KLHL18: variants seen among roughly 807,000 people sequenced by gnomAD.
KLHL18 encodes the protein kelch like family member 18.
Under a neutral mutation model 58.5 loss-of-function variants are expected in KLHL18, and 38 were observed. The observed-to-expected ratio is 0.65, with a 90% CI of 0.50 to 0.85. The LOEUF is 0.85. Among genes scored for constraint, KLHL18 ranks in the 40% least tolerant of loss-of-function variants. The pLI, the probability that KLHL18 is intolerant of heterozygous loss-of-function variation, is 0.00. For synonymous variants in KLHL18, 303 were observed against 301.9 expected (o/e 1.00, Z -0.04); for missense variants, 624 against 778.4 (o/e 0.80, Z 2.36).
chr3:47,344,521 A>G lies in KLHL18; in HGVS notation c.*580A>G, dbSNP rs1439756880. 1 of 152,582 alleles carries G rather than the reference A, an allele frequency of 6.6e-6. No individual in the cohort carries two copies. 9.5% of individuals were successfully genotyped at this position (152,582 alleles called of 1,614,324 possible). A position where few individuals can be genotyped will look rare whatever the true frequency, so the allele number is the denominator to read the frequency against. On this transcript the variant is annotated 3_prime_UTR_variant, in exon 10 of 10. Transcript: ENST00000232766. ...TCCTCATTGCTGGGTAAGCAGGGAG[A>G]AGAGAAGTTTTCCCCATGTCTAATT...
At chr3:47,297,385 T>C (rs539705463) in intron 1 of KLHL18, among the ~76,000 whole-genome samples, 1 of 152,254 alleles carries the variant, frequency 6.6e-6, no homozygotes, top group South Asian at 2.1e-4. Flanking sequence ...GCATTGAAGG[T>C]GAAAGAATCC....
At chr3:47,310,453 T>TA (rs1703271317) in intron 1 of KLHL18, among the ~76,000 whole-genome samples, 1 of 152,212 alleles carries the variant, frequency 6.6e-6, no homozygotes, top group African/African-American at 2.4e-5. Flanking sequence ...AAGGCTGTCT[T>TA]ATAGCCTCTT....
At chr3:47,292,970 A>G (rs575899258) in intron 1 of KLHL18, among the ~76,000 whole-genome samples, 4 of 152,162 alleles carry the variant, frequency 2.6e-5, no homozygotes, top group African/African-American at 7.2e-5. Context: ...AAAGAAGAAA[A>G]TTCTGCTGCA....
intron 1 of KLHL18, among the ~76,000 whole-genome samples, chr3:47,314,024 A>T (rs1453419875): frequency 6.6e-6 from 1 of 152,176 alleles, no homozygotes; most frequent in Non-Finnish European, 1.5e-5. Context: ...CTCTTTTTTT[A>T]AAAAATGACA....
chr3:47,314,295 C>T (rs1262101484), intron 1 of KLHL18, among the ~76,000 whole-genome samples: 1 of 151,850 alleles, frequency 6.6e-6, no homozygotes, highest in Non-Finnish European at 1.5e-5. Context: ...CCACTGTGCC[C>T]AGCAAAAAAT....
chr3:47,331,203 C>A (rs534844537), intron 4 of KLHL18, among the ~76,000 whole-genome samples: 1 of 152,228 alleles, frequency 6.6e-6, no homozygotes, highest in African/African-American at 2.4e-5. Context: ...TCTCAGCTCA[C>A]TGCACCTCTG....
Position 47,336,659 on chromosome 3 carries a change from C to T in KLHL18, c.1023C>T (p.Ile341=), listed in dbSNP as rs758178487. Residue 341 remains isoleucine (I), a synonymous_variant, in exon 7 of 10, where the codon ATC becomes ATT. Transcript: ENST00000232766. Reference sequence around the variant, plus strand: ...TGGTGAACGGGCTTCTCTATGCCATCGGAGGATATGACGGCCAGCTACGGC... The same window carrying T: ...TGGTGAACGGGCTTCTCTATGCCATTGGAGGATATGACGGCCAGCTACGGC... ...VAVVNGLLYA[I]GGYDGQLRLS... The T allele has an allele frequency of 4.0e-5, 64 of 1,614,096 alleles. No individual in the cohort carries two copies. Among genetic ancestry groups the T allele is most frequent in the Middle Eastern group, 3.3e-4 (2 of 6,084 alleles).
At chr3:47,303,042 C>T (rs1390553741) in intron 1 of KLHL18, among the ~76,000 whole-genome samples, 1 of 152,178 alleles carries the variant, frequency 6.6e-6, no homozygotes, top group Non-Finnish European at 1.5e-5. Context: ...AAACTCTTCA[C>T]CCCTCACCTT....
intron 3 of KLHL18, 121 bp from the exon 4 acceptor site, chr3:47,329,830 C>T (rs777737949): frequency 8.4e-5 from 65 of 770,954 alleles, no homozygotes; most frequent in Non-Finnish European, 1.3e-4. Context: ...ATACAGTTTC[C>T]AACAAAGCTG....
In KLHL18 at chr3:47,340,562, TCTGTTTCAGTGC is replaced by T. The variant is rs1359604998; in HGVS notation, c.1122-8_1125del. ...CGGCTCATCTGGGATGACAGCTCTG[TCTGTTTCAGTGC>T]CATGGGGACAGTCGTGCTGGATGGG... On this transcript the variant is annotated splice_acceptor_variant and splice_polypyrimidine_tract_variant and coding_sequence_variant and intron_variant, in exon 8 of 10. Coordinates refer to ENST00000232766, the MANE Select transcript of KLHL18 (RefSeq NM_025010.5). LOFTEE classifies it high-confidence loss of function. 6.2e-7 allele frequency: 1 copy of T among 1,613,860 alleles called. No individual in the cohort carries two copies. Among genetic ancestry groups the T allele is most frequent in the Non-Finnish European group, 8.5e-7 (1 of 1,179,956 alleles).
chr3:47,300,661 CAG>C (rs1363927043), intron 1 of KLHL18, among the ~76,000 whole-genome samples: 37 of 3,648 alleles, frequency 0.01, no homozygotes, highest in South Asian at 0.077. Context: ...TTTTTTGAGA[CAG>C]AGTTTTACTC....
At chr3:47,304,893 G>T (rs1209732996) in intron 1 of KLHL18, among the ~76,000 whole-genome samples, 1 of 152,004 alleles carries the variant, frequency 6.6e-6, no homozygotes, top group Non-Finnish European at 1.5e-5. Context: ...GTGTGGTGGT[G>T]CCCACCTGTA....
intron 1 of KLHL18, among the ~76,000 whole-genome samples, chr3:47,301,395 G>A (rs1313670858): frequency 6.6e-6 from 1 of 152,102 alleles, no homozygotes; most frequent in Non-Finnish European, 1.5e-5. Context: ...GTTAAGTTTT[G>A]CCTCCAGTGT....
chr3:47,332,624 TTGAG>T (rs1383845451), intron 4 of KLHL18, among the ~76,000 whole-genome samples: 1 of 151,958 alleles, frequency 6.6e-6, no homozygotes, highest in Non-Finnish European at 1.5e-5. Flanking sequence ...TCACATTTCT[TTGAG>T]TGATACATTT....
intron 1 of KLHL18, among the ~76,000 whole-genome samples, chr3:47,291,779 T>C (rs965437991): frequency 6.6e-6 from 1 of 152,228 alleles, no homozygotes. Flanking sequence ...TGTTAAAGAA[T>C]ACAAATGAAC....
At chr3:47,322,432 T>TCACC (rs1374848448) in intron 2 of KLHL18, 136 bp from the exon 3 acceptor site, 1 of 691,126 alleles carries the variant, frequency 1.4e-6, no homozygotes, top group Non-Finnish European at 2.1e-6. Flanking sequence ...TTTTAGGCTG[T>TCACC]GGTGAAGTAG....
rs1576194168 is a variant in KLHL18, at chr3:47,346,144, T to G, written c.*2203T>G. 2 of 152,632 alleles carry G rather than the reference T, an allele frequency of 1.3e-5. No homozygotes were observed. The highest frequency in any genetic ancestry group is 2.9e-5 in the Non-Finnish European group (2 of 68,042). The allele number at this position is 152,632 out of a possible 1,614,324, so 9.5% of individuals were successfully genotyped here. ...ATTGTGAAGGTATTAAGAATCGGTCTGTGGGCTACTGAGTGGGTCCTTAGG... is the reference window on the plus strand; with the variant it reads ...ATTGTGAAGGTATTAAGAATCGGTCGGTGGGCTACTGAGTGGGTCCTTAGG... On this transcript the variant is annotated 3_prime_UTR_variant, in exon 10 of 10. Coordinates refer to ENST00000232766, the MANE Select transcript of KLHL18 (RefSeq NM_025010.5).
At chr3:47,307,385 C>A (rs139595586) in intron 1 of KLHL18, among the ~76,000 whole-genome samples, 1 of 151,568 alleles carries the variant, frequency 6.6e-6, no homozygotes, top group African/African-American at 2.4e-5. Context: ...GACAGAAGTT[C>A]TTAATTTTAC....
chr3:47,336,828 G>A, intron 7 of KLHL18, 71 bp downstream of exon 7: 1 of 1,208,040 alleles, frequency 8.3e-7, no homozygotes, highest in Non-Finnish European at 1.2e-6. Context: ...TAGACGAGCA[G>A]GGGCACACAG....
Sources: allele counts gnomAD v4.1 joint callset (sites outside exome capture counted in the v4.1 genomes callset), GRCh38; gene constraint gnomAD v4.1.1; transcripts MANE v1.5; gene names NCBI Gene and HGNC (gene_info 2026-07-23, HGNC 2026-07-21).